SH3BP5: variants seen among roughly 807,000 people sequenced by gnomAD.
SH3BP5 encodes the protein SH3 domain binding protein 5.
In SH3BP5, 22 loss-of-function variants were observed where a neutral mutation model predicts 43.3. The ratio of observed to expected loss-of-function variants is 0.51; its 90% CI spans 0.36 to 0.73. SH3BP5 has a LOEUF of 0.73. Among genes scored for constraint, SH3BP5 ranks in the 30% least tolerant of loss-of-function variants. The pLI is 0.00. For missense variants in SH3BP5, 529 were observed against 586.9 expected, an observed-to-expected ratio of 0.90 and a Z score of 1.02; for synonymous variants, 255 against 225.8, an observed-to-expected ratio of 1.13 and a Z score of -1.16.
intron 5 of SH3BP5, chr3:15,260,181 C>T (rs1399480210): frequency 1.6e-5 from 4 of 242,512 alleles, no homozygotes; most frequent in Non-Finnish European, 2.4e-5. Context: ...GAAGTTGGCT[C>T]CCCAGGGATG....
intron 3 of SH3BP5, among the ~76,000 whole-genome samples, chr3:15,301,365 A>G (rs1242304471): frequency 6.6e-6 from 1 of 152,136 alleles, no homozygotes. Flanking sequence ...ATCATTCACT[A>G]GTTTGTTCAT....
chr3:15,322,216 A>G (rs961078827), intron 2 of SH3BP5, among the ~76,000 whole-genome samples: 13 of 152,058 alleles, frequency 8.5e-5, no homozygotes, highest in African/African-American at 3.1e-4. Flanking sequence ...AAAAAAAATA[A>G]TAACTATGTT....
chr3:15,290,856 A>C (rs1254944156), intron 3 of SH3BP5, among the ~76,000 whole-genome samples: 1 of 152,228 alleles, frequency 6.6e-6, no homozygotes, highest in Non-Finnish European at 1.5e-5. Flanking sequence ...GGAAGAAACT[A>C]ATAAATATCA....
At chr3:15,284,630 G>A (rs888755453) in intron 3 of SH3BP5, among the ~76,000 whole-genome samples, 9 of 152,216 alleles carry the variant, frequency 5.9e-5, no homozygotes, top group African/African-American at 2.2e-4. Context: ...CAATTGGAGA[G>A]CTTCTCCATA....
At position 15,256,217 on chromosome 3, in the gene SH3BP5, T is replaced by C. The variant is rs1696190690; in HGVS notation, c.1237A>G (p.Ser413Gly). The change falls in exon 9 of 9, where the codon AGC becomes GGC. Residue 413 changes from serine (S) to glycine (G), a missense_variant. Coordinates refer to ENST00000383791, the MANE Select transcript of SH3BP5 (RefSeq NM_004844.5). ...GLSSSSGSGG[S>G]SKSQSSTSPE... ...GAGGTGCTGCTTTGGCTCTTACTGC[T>C]GCCACCACTGCCACTGCTACTGCTG... is the stretch of plus-strand genomic sequence containing the variant. The C allele has an allele frequency of 6.2e-7, 1 of 1,614,072 alleles. No individual in the cohort carries two copies. The highest frequency in any genetic ancestry group is 1.1e-5 in the South Asian group (1 of 91,090).
chr3:15,283,226 C>T (rs1458294427), intron 3 of SH3BP5, among the ~76,000 whole-genome samples: 4 of 152,152 alleles, frequency 2.6e-5, no homozygotes, highest in Non-Finnish European at 4.4e-5. Flanking sequence ...GGCAAAACCC[C>T]GTCTCTACTA....
At chr3:15,329,421 TA>T (rs1306169137) in intron 2 of SH3BP5, among the ~76,000 whole-genome samples, 1 of 152,222 alleles carries the variant, frequency 6.6e-6, no homozygotes, top group East Asian at 1.9e-4. Flanking sequence ...GATTTTACTT[TA>T]CTTGGGGAGA....
intron 6 of SH3BP5, 21 bp downstream of exon 6, chr3:15,259,740 G>A (rs555688481): frequency 4.3e-6 from 7 of 1,613,152 alleles, no homozygotes; most frequent in Middle Eastern, 1.7e-4. Flanking sequence ...CATCAGTGAC[G>A]AAGCCCAAAG....
chr3:15,264,858 G>A (rs1273721204), intron 4 of SH3BP5, among the ~76,000 whole-genome samples: 1 of 152,084 alleles, frequency 6.6e-6, no homozygotes, highest in Non-Finnish European at 1.5e-5. Flanking sequence ...AAGACAACAT[G>A]TTGGGGGTGA....
intron 3 of SH3BP5, among the ~76,000 whole-genome samples, chr3:15,270,929 A>AG: frequency 6.6e-6 from 1 of 151,444 alleles, no homozygotes; most frequent in African/African-American, 2.4e-5. Flanking sequence ...CCATCTCAAA[A>AG]AAAAAAAAAA....
chr3:15,258,757 G>GA, intron 7 of SH3BP5, 74 bp downstream of exon 7: 3 of 1,360,622 alleles, frequency 2.2e-6, no homozygotes, highest in Non-Finnish European at 3.1e-6. Flanking sequence ...GATGGCCAGA[G>GA]AAAGTGAGGA....
intron 3 of SH3BP5, among the ~76,000 whole-genome samples, chr3:15,282,844 G>C (rs2125083061): frequency 6.6e-6 from 1 of 152,166 alleles, no homozygotes; most frequent in East Asian, 1.9e-4. Flanking sequence ...AACCTGATTG[G>C]CAAGAGGTTA....
intron 4 of SH3BP5, among the ~76,000 whole-genome samples, chr3:15,268,107 C>T (rs1311411094): frequency 6.6e-6 from 1 of 152,212 alleles, no homozygotes; most frequent in Non-Finnish European, 1.5e-5. Flanking sequence ...GCTCTGTGAG[C>T]ATCACGCCCA....
At chr3:15,322,303 A>T (rs1489329329) in intron 2 of SH3BP5, among the ~76,000 whole-genome samples, 4 of 151,958 alleles carry the variant, frequency 2.6e-5, no homozygotes, top group Admixed American at 1.3e-4. Flanking sequence ...TTTTATATAT[A>T]TTTTATGTAT....
At chr3:15,260,901 C>T (rs191820279) in intron 5 of SH3BP5, among the ~76,000 whole-genome samples, 34 of 152,216 alleles carry the variant, frequency 2.2e-4, no homozygotes, top group African/African-American at 7.7e-4. Context: ...AAAGTACAAT[C>T]ACAAGATTTA....
intron 4 of SH3BP5, among the ~76,000 whole-genome samples, chr3:15,264,893 T>TC (rs1319392742): frequency 6.6e-6 from 1 of 152,080 alleles, no homozygotes; most frequent in Non-Finnish European, 1.5e-5. Context: ...AAAGATCCAA[T>TC]TAAAGGTTTA....
intron 6 of SH3BP5, chr3:15,259,255 GACAACCTCTAATATCC>G: frequency 1.7e-6 from 1 of 603,718 alleles, no homozygotes; most frequent in Non-Finnish European, 2.9e-6. Context: ...CCATCCAGGT[GACAACCTCTAATATCC>G]AAAAACTCTC....
chr3:15,279,093 C>G (rs1172862710), intron 3 of SH3BP5, among the ~76,000 whole-genome samples: 1 of 152,098 alleles, frequency 6.6e-6, no homozygotes, highest in Non-Finnish European at 1.5e-5. Flanking sequence ...TCATTGGAAC[C>G]TGGGAGGTGG....
At chr3:15,305,167 G>A (rs1242405615) in intron 2 of SH3BP5, among the ~76,000 whole-genome samples, 3 of 151,876 alleles carry the variant, frequency 2.0e-5, no homozygotes, top group African/African-American at 4.8e-5. Context: ...AATTAACATG[G>A]CTAGCAACTA....
Sources: gnomAD v4.1 joint callset for allele counts (sites outside exome capture counted in the v4.1 genomes callset) on GRCh38, gnomAD v4.1.1 for gene constraint, MANE v1.5 for transcripts, NCBI Gene and HGNC (gene_info 2026-07-23, HGNC 2026-07-21) for gene names.